SREBF2: variants seen among roughly 807,000 people sequenced by gnomAD.
SREBF2 encodes sterol regulatory element-binding protein 2.
In SREBF2, 55 loss-of-function variants were observed where a neutral mutation model predicts 113.1. That is an observed-to-expected ratio of 0.49 (90% CI 0.39 to 0.61). The LOEUF is 0.61. Ranked by LOEUF, SREBF2 falls within the 20% of genes least tolerant of loss-of-function variation. SREBF2 has a pLI of 0.00. For synonymous variants in SREBF2, 593 were observed against 605.7 expected, an observed-to-expected ratio of 0.98 and a Z score of 0.31; for missense variants, 1,349 against 1,487.4, an observed-to-expected ratio of 0.91 and a Z score of 1.53.
At chr22:41,903,307 A>T (rs958265416) in intron 17 of SREBF2, 152 bp downstream of exon 17, 2 of 940,512 alleles carry the variant, frequency 2.1e-6, no homozygotes, top group Non-Finnish European at 3.3e-6. Flanking sequence ...CGTGCCCAAC[A>T]CTGGGCTAGG....
In SREBF2 at chr22:41,875,662, G is replaced by T; in HGVS notation, c.1324G>T (p.Ala442Ser). The T allele has an allele frequency of 6.2e-7, 1 of 1,614,164 alleles. No individual in the cohort carries two copies. The highest frequency in any genetic ancestry group is 8.5e-7 in the Non-Finnish European group (1 of 1,180,028). The change falls in exon 7 of 19, where the codon GCT (alanine) becomes TCT (serine). Residue 442 changes from alanine to serine, a missense_variant. By Grantham distance (99) the Ala-to-Ser change is moderately conservative. Around this residue, in one of 2 missense-constraint regions of SREBF2, gnomAD observed 699 missense variants for 843.3 expected, o/e 0.83. Coordinates refer to ENST00000361204, the MANE Select transcript of SREBF2 (RefSeq NM_004599.4). Reference sequence around the variant, plus strand: ...CCCAGCCTCTGACTCAGGGTCCCAGGCTGGCTTCTCTCCCTACTCCATTGA... The same window carrying T: ...CCCAGCCTCTGACTCAGGGTCCCAGTCTGGCTTCTCTCCCTACTCCATTGA... ...SPPASDSGSQ[A>S]GFSPYSIDSE... is the part of the protein sequence containing the mutation.
chr22:41,875,611 A>C lies in SREBF2; in HGVS notation c.1273A>C (p.Asn425His), dbSNP rs781558758. 2 of 1,614,152 alleles carry C rather than the reference A, an allele frequency of 1.2e-6. No individual in the cohort carries two copies. The highest frequency in any genetic ancestry group is 1.7e-6 in the Non-Finnish European group (2 of 1,180,006). The stretch of plus-strand genomic sequence containing the variant: ...GGTGGACCTGAAGATCGAGGACTTT[A>C]ATCAGAATGTCCTTCTGATGTCCCC... ...NEVDLKIEDF[N>H]QNVLLMSPPA... Residue 425 changes from asparagine (N) to histidine (H), a missense_variant, in exon 7 of 19, where the codon AAT (asparagine) becomes CAT (histidine). Coordinates refer to ENST00000361204, the MANE Select transcript of SREBF2 (RefSeq NM_004599.4).
chr22:41,875,490 G>C, intron 6 of SREBF2, 39 bp downstream of exon 6: 1 of 1,614,236 alleles, frequency 6.2e-7, no homozygotes, highest in Non-Finnish European at 8.5e-7. Context: ...CCCTGGCCCA[G>C]GTGGGGCTTT....
intron 1 of SREBF2, among the ~76,000 whole-genome samples, chr22:41,836,480 A>G (rs115785173): frequency 6.6e-6 from 1 of 152,234 alleles, no homozygotes; most frequent in South Asian, 2.1e-4. Flanking sequence ...GGACAAAAAG[A>G]GTTGGGCATG....
At chr22:41,872,382 G>C (rs1437215424) in intron 4 of SREBF2, among the ~76,000 whole-genome samples, 1 of 152,048 alleles carries the variant, frequency 6.6e-6, no homozygotes, top group Non-Finnish European at 1.5e-5. Flanking sequence ...AAGGAGGGGA[G>C]GGGCATGCGG....
At position 41,867,211 on chromosome 22, in the gene SREBF2, A is replaced by C. The variant is rs749895517; in HGVS notation, c.469A>C (p.Ser157Arg). 1 of 1,614,210 alleles carries C rather than the reference A, an allele frequency of 6.2e-7. No homozygotes were observed. Among genetic ancestry groups the C allele is most frequent in the Non-Finnish European group, 8.5e-7 (1 of 1,180,040 alleles). Residue 157 changes from serine (S) to arginine (R), a missense_variant, in exon 2 of 19, where the codon AGC becomes CGC. By Grantham distance (110) the Ser-to-Arg change is moderately radical. Around this residue, in one of 2 missense-constraint regions of SREBF2, gnomAD observed 699 missense variants for 843.3 expected, o/e 0.83. Coordinates refer to ENST00000361204, the MANE Select transcript of SREBF2 (RefSeq NM_004599.4). ...QQTVMITPTF[S>R]TTPQTRIIQQ... ...GACGGTAATGATCACGCCAACATTCAGCACCACTCCGCAGACGAGGATCAT... is the reference window on the plus strand; with the variant it reads ...GACGGTAATGATCACGCCAACATTCCGCACCACTCCGCAGACGAGGATCAT...
At chr22:41,890,336 C>G (rs1360945588) in intron 11 of SREBF2, among the ~76,000 whole-genome samples, 1 of 152,240 alleles carries the variant, frequency 6.6e-6, no homozygotes, top group African/African-American at 2.4e-5. Flanking sequence ...CTCTCCCCAT[C>G]TAGTCACTTA....
At chr22:41,844,950 C>T (rs1188860540) in intron 1 of SREBF2, among the ~76,000 whole-genome samples, 1 of 112,680 alleles carries the variant, frequency 8.9e-6, no homozygotes, top group African/African-American at 3.4e-5. Flanking sequence ...CCCACCCCCA[C>T]AAGAGTCCTG....
At chr22:41,904,407 C>A in intron 17 of SREBF2, 1 of 364,116 alleles carries the variant, frequency 2.7e-6, no homozygotes. Context: ...AGACTTTACC[C>A]GCACACCTCT....
intron 1 of SREBF2, among the ~76,000 whole-genome samples, chr22:41,843,815 C>G (rs2076850249): frequency 1.3e-5 from 2 of 151,524 alleles, no homozygotes; most frequent in Non-Finnish European, 2.9e-5. Context: ...GGCAACATAC[C>G]TGGACAACAT....
At chr22:41,885,416 G>A (rs2148402304) in intron 11 of SREBF2, among the ~76,000 whole-genome samples, 1 of 152,310 alleles carries the variant, frequency 6.6e-6, no homozygotes, top group South Asian at 2.1e-4. Context: ...TATTTATTGG[G>A]CATCTTGTAT....
intron 1 of SREBF2, among the ~76,000 whole-genome samples, chr22:41,840,023 G>A (rs767350807): frequency 1.2e-4 from 17 of 146,662 alleles, no homozygotes; most frequent in African/African-American, 2.0e-4. Context: ...GCAGTGGCGC[G>A]GTCTCAGCTC....
chr22:41,903,793 C>A (rs1000304057), intron 17 of SREBF2, among the ~76,000 whole-genome samples: 2 of 152,288 alleles, frequency 1.3e-5, no homozygotes, highest in Admixed American at 1.3e-4. Context: ...GGCCTCAGAG[C>A]GAGGCTGCTG....
intron 2 of SREBF2, among the ~76,000 whole-genome samples, chr22:41,867,718 A>G (rs1390676526): frequency 1.3e-5 from 2 of 152,042 alleles, no homozygotes; most frequent in Non-Finnish European, 2.9e-5. Context: ...GAGGCAGGAG[A>G]ATGGCGTGAA....
chr22:41,871,109 A>AC, intron 4 of SREBF2, 74 bp downstream of exon 4: 1 of 1,577,024 alleles, frequency 6.3e-7, no homozygotes, highest in Non-Finnish European at 8.7e-7. Flanking sequence ...AGAGATGTTA[A>AC]ATCTCTATAT....
chr22:41,849,221 C>T (rs973743332), intron 1 of SREBF2, among the ~76,000 whole-genome samples: 2 of 152,036 alleles, frequency 1.3e-5, no homozygotes, highest in Non-Finnish European at 2.9e-5. Flanking sequence ...GAGATGGGGT[C>T]TCACTGTGTT....
chr22:41,869,457 AG>A (rs930645929), intron 3 of SREBF2, among the ~76,000 whole-genome samples: 5 of 49,872 alleles, frequency 1.0e-4, no homozygotes, highest in African/African-American at 3.8e-4. Flanking sequence ...GGTTGGGGGG[AG>A]GGGGGGCATG....
chr22:41,895,028 C>A, intron 13 of SREBF2, 91 bp downstream of exon 13: 1 of 992,438 alleles, frequency 1.0e-6, no homozygotes, highest in Non-Finnish European at 1.6e-6. Flanking sequence ...TGGAGGGAAA[C>A]AAGCCTGGCA....
chr22:41,887,455 C>G (rs2077309977), intron 11 of SREBF2, among the ~76,000 whole-genome samples: 1 of 152,138 alleles, frequency 6.6e-6, no homozygotes. Flanking sequence ...TGCTTTGCCT[C>G]TGTTTAAACT....
Sources: allele counts gnomAD v4.1 joint callset (sites outside exome capture counted in the v4.1 genomes callset), GRCh38; gene constraint gnomAD v4.1.1; regional missense constraint gnomAD v4.1.1; transcripts MANE v1.5; gene names NCBI Gene and HGNC (gene_info 2026-07-23, HGNC 2026-07-21).